Variants in ARHGAP26 observed in about 807,000 individuals in gnomAD.
ARHGAP26 encodes the protein rho GTPase-activating protein 26.
A neutral mutation model predicts 104.8 loss-of-function variants in ARHGAP26; 38 were observed. The observed-to-expected ratio is 0.36, with a 90% CI of 0.28 to 0.48. The LOEUF is 0.48. ARHGAP26 is among the 20% of genes least tolerant of loss of function. The probability of loss-of-function intolerance (pLI) is 0.99; values close to 1 mark genes in which losing one functional copy is unlikely to be tolerated. For missense variants in ARHGAP26, 704 were observed against 947.9 expected (o/e 0.74, Z 3.38); for synonymous variants, 341 against 340.0 (o/e 1.00, Z -0.03).
chr5:142,781,602 G>A (rs989104027), intron 1 of ARHGAP26, among the ~76,000 whole-genome samples: 2 of 152,188 alleles, frequency 1.3e-5, no homozygotes, highest in Non-Finnish European at 2.9e-5. Context: ...GGTGTCTGGG[G>A]CAGGAGGCTG....
chr5:142,904,722 G>A (rs1760871846), intron 8 of ARHGAP26, among the ~76,000 whole-genome samples: 2 of 152,162 alleles, frequency 1.3e-5, no homozygotes, highest in South Asian at 2.1e-4. Flanking sequence ...TGCTAGGAAC[G>A]AAAGAAAGTG....
At chr5:143,116,849 G>A (rs536014248) in intron 17 of ARHGAP26, among the ~76,000 whole-genome samples, 2 of 152,226 alleles carry the variant, frequency 1.3e-5, no homozygotes, top group East Asian at 3.9e-4. Context: ...CTGAAACATG[G>A]GGTACCTATA....
At chr5:143,216,587 G>A (rs527970897) in intron 22 of ARHGAP26, 9 of 306,608 alleles carry the variant, frequency 2.9e-5, no homozygotes, top group Admixed American at 2.5e-4. Flanking sequence ...CAACATGGTC[G>A]TCATCATAAA....
intron 12 of ARHGAP26, among the ~76,000 whole-genome samples, chr5:143,033,738 C>T (rs958609167): frequency 6.6e-6 from 1 of 152,218 alleles, no homozygotes; most frequent in African/African-American, 2.4e-5. Context: ...GAATCAATGT[C>T]TGCAGCTCCC....
intron 12 of ARHGAP26, among the ~76,000 whole-genome samples, chr5:143,019,569 T>G (rs2152831886): frequency 6.6e-6 from 1 of 152,320 alleles, no homozygotes; most frequent in Non-Finnish European, 1.5e-5. Flanking sequence ...GGAAGCAGGA[T>G]GAGAGGCCTG....
chr5:143,125,279 A>G lies in ARHGAP26; in HGVS notation c.1698+4132A>G, dbSNP rs544542548. The stretch of plus-strand genomic sequence containing the variant: ...TTCCAAGGGTTAACATTAGACATTC[A>G]GCTGAGGGTTAATAGTGAACATGAT... On this transcript the variant is annotated intron_variant, in intron 18 of 22. Transcript: ENST00000645722. Among the ~76,000 whole-genome samples the G allele has an allele frequency of 3.2e-4, 49 of 152,256 alleles. 1 individual carries two copies. The highest frequency in any genetic ancestry group is 1.2e-3 in the African/African-American group (49 of 41,544).
intron 1 of ARHGAP26, among the ~76,000 whole-genome samples, chr5:142,839,619 T>G (rs1477410209): frequency 6.6e-6 from 1 of 152,190 alleles, no homozygotes; most frequent in Non-Finnish European, 1.5e-5. Context: ...AGAGACCTCA[T>G]ATAGGTAAAA....
At chr5:142,925,198 A>G (rs1763735526) in intron 10 of ARHGAP26, among the ~76,000 whole-genome samples, 1 of 152,158 alleles carries the variant, frequency 6.6e-6, no homozygotes, top group South Asian at 2.1e-4. Context: ...GTTCTGCCGC[A>G]GTCCCCACCA....
intron 19 of ARHGAP26, among the ~76,000 whole-genome samples, chr5:143,144,895 A>G (rs1251241457): frequency 2.0e-5 from 3 of 152,164 alleles, no homozygotes; most frequent in Non-Finnish European, 4.4e-5. Context: ...TTCTACCTAG[A>G]TGTTCTCAGT....
chr5:142,808,044 G>A (rs1011348767), intron 1 of ARHGAP26, among the ~76,000 whole-genome samples: 4 of 151,748 alleles, frequency 2.6e-5, no homozygotes, highest in African/African-American at 9.7e-5. Context: ...AACCATCCTG[G>A]CTAATACGGT....
At chr5:143,064,881 C>G (rs1238678434) in intron 17 of ARHGAP26, among the ~76,000 whole-genome samples, 1 of 152,118 alleles carries the variant, frequency 6.6e-6, no homozygotes, top group Non-Finnish European at 1.5e-5. Context: ...CATGTAACGC[C>G]CATTCTGAAA....
At chr5:142,939,271 A>T (rs917036833) in intron 11 of ARHGAP26, among the ~76,000 whole-genome samples, 2 of 152,180 alleles carry the variant, frequency 1.3e-5, no homozygotes, top group Non-Finnish European at 2.9e-5. Flanking sequence ...AGGAAGTCAC[A>T]GTTGAATGGT....
intron 10 of ARHGAP26, among the ~76,000 whole-genome samples, chr5:142,916,256 T>G (rs889585601): frequency 6.6e-6 from 1 of 152,260 alleles, no homozygotes; most frequent in Non-Finnish European, 1.5e-5. Context: ...TTTTTAAGAT[T>G]GAATACATTT....
intron 1 of ARHGAP26, among the ~76,000 whole-genome samples, chr5:142,793,252 CTTTTTTTTTT>C (rs56941301): frequency 1.9e-5 from 2 of 107,174 alleles, no homozygotes; most frequent in Non-Finnish European, 3.6e-5. Context: ...TATCCCTTTG[CTTTTTTTTTT>C]TTTTTTTTTT....
intron 11 of ARHGAP26, among the ~76,000 whole-genome samples, chr5:143,005,364 T>G (rs1402377800): frequency 6.6e-6 from 1 of 152,234 alleles, no homozygotes; most frequent in East Asian, 1.9e-4. Context: ...ACACAAGGCC[T>G]CATTTCCCAT....
rs1017105331 is a variant in ARHGAP26 at position 143,070,612 on chromosome 5, C to T, written c.1538+12865C>T. ...TCTACAGATTCAGTGCAATCCCTAT[C>T]GAAATACCAAGGACAGGCCAGGTGA... On this transcript the variant is annotated intron_variant, in intron 17 of 22. Coordinates refer to ENST00000645722, the MANE Select transcript of ARHGAP26 (RefSeq NM_001135608.3). Among the ~76,000 whole-genome samples, 3 of 152,122 alleles carry T rather than the reference C, an allele frequency of 2.0e-5. No homozygotes were observed. In the East Asian group the frequency reaches 5.8e-4, roughly 29 times the overall value.
At chr5:143,005,232 C>T (rs1327711630) in intron 11 of ARHGAP26, among the ~76,000 whole-genome samples, 1 of 152,226 alleles carries the variant, frequency 6.6e-6, no homozygotes, top group African/African-American at 2.4e-5. Flanking sequence ...CCATCAGAAT[C>T]CCATGTCCCT....
chr5:142,957,075 C>A (rs1769374037), intron 11 of ARHGAP26, among the ~76,000 whole-genome samples: 1 of 152,172 alleles, frequency 6.6e-6, no homozygotes, highest in African/African-American at 2.4e-5. Flanking sequence ...AAAGGAGGAG[C>A]TGGCATATTA....
intron 12 of ARHGAP26, among the ~76,000 whole-genome samples, chr5:143,027,701 C>T (rs935322987): frequency 1.3e-5 from 2 of 152,094 alleles, no homozygotes; most frequent in Admixed American, 1.3e-4. Context: ...TGGAACAATC[C>T]AGCATTCCAT....
Sources: gnomAD v4.1 joint callset for allele counts (sites outside exome capture counted in the v4.1 genomes callset) on GRCh38, gnomAD v4.1.1 for gene constraint, MANE v1.5 for transcripts, NCBI Gene and HGNC (gene_info 2026-07-23, HGNC 2026-07-21) for gene names.